The following SLC36A2 variants were observed in gnomAD, a reference collection of about 807,000 sequenced individuals.
SLC36A2 encodes the protein proton-coupled amino acid transporter 2.
SLC36A2 carries 39 observed loss-of-function variants against 42.7 expected under a neutral mutation model. The observed-to-expected ratio is 0.91, with a 90% CI of 0.71 to 1.19. The LOEUF (loss-of-function observed/expected upper bound fraction) is 1.19. Among genes scored for constraint, SLC36A2 ranks in the 50% most tolerant of loss-of-function variants. The probability of loss-of-function intolerance (pLI) is 0.00; values close to 1 mark genes in which losing one functional copy is unlikely to be tolerated. For missense variants in SLC36A2, 590 were observed against 613.7 expected (o/e 0.96, Z 0.41); for synonymous variants, 237 against 240.8 (o/e 0.98, Z 0.15).
rs1335075738 is a variant in SLC36A2 at position 151,316,876 on chromosome 5, C to T, written c.1393G>A (p.Glu465Lys). The change falls in exon 10 of 10, where the codon GAG becomes AAG. Residue 465 changes from glutamate to lysine, a missense_variant. Physicochemically the swap from Glu to Lys is moderately conservative, Grantham distance 56. Coordinates refer to ENST00000335244, the MANE Select transcript of SLC36A2 (RefSeq NM_181776.3). ...TGAGAGTCTTCTGACTTGAGCAGCTCGTCCAGGGCCTGGTAGGTCCCCACC... is the reference window on the plus strand; with the variant it reads ...TGAGAGTCTTCTGACTTGAGCAGCTTGTCCAGGGCCTGGTAGGTCCCCACC... ...FVVGTYQALD[E>K]LLKSEDSHPF... 50 of 1,614,124 alleles carry T rather than the reference C, an allele frequency of 3.1e-5. No individual in the cohort carries two copies. In the East Asian group the frequency reaches 9.8e-4, roughly 32 times the overall value.
Position 151,344,203 on chromosome 5 carries a change from G to C in SLC36A2, c.229C>G (p.Leu77Val), listed in dbSNP as rs146301238. ...NMGTGILGLP[L>V]AVKNAGILMG... ...AGGATGCCCGCGTTCTTCACAGCGA[G>C]GGGTAGTCCCAGGATCCCTGTGCCC... The change falls in exon 2 of 10, where the codon CTC becomes GTC. Residue 77 changes from leucine to valine, a missense_variant. Physicochemically the swap from Leu to Val is conservative, Grantham distance 32. Coordinates refer to ENST00000335244, the MANE Select transcript of SLC36A2 (RefSeq NM_181776.3). 1.9e-6 allele frequency: 3 copies of C among 1,614,168 alleles called. No individual in the cohort carries two copies. The highest frequency in any genetic ancestry group is 2.5e-6 in the Non-Finnish European group (3 of 1,180,016).
chr5:151,320,115 A>G (rs1381539974), intron 9 of SLC36A2, among the ~76,000 whole-genome samples: 1 of 134,750 alleles, frequency 7.4e-6, no homozygotes, highest in Non-Finnish European at 1.6e-5. Flanking sequence ...TCTTTGAAGA[A>G]GAAAGAGATT....
intron 8 of SLC36A2, among the ~76,000 whole-genome samples, chr5:151,323,037 AC>A (rs1321320068): frequency 6.6e-6 from 1 of 152,108 alleles, no homozygotes; most frequent in African/African-American, 2.4e-5. Context: ...CGAATTTGAG[AC>A]CAGTCTGGCC....
chr5:151,347,423 G>A lies in SLC36A2; in HGVS notation c.38C>T (p.Ala13Val). The A allele has an allele frequency of 6.2e-7, 1 of 1,614,190 alleles. No individual in the cohort carries two copies. Residue 13 changes from alanine to valine, a missense_variant, in exon 1 of 10, where the codon GCC (alanine) becomes GTC (valine). Transcript: ENST00000335244. ...CATAAGGTCCAATTTGATGGCAACG[G>A]CTCCCTGGGGACCCTCAGTACTTTT... The part of the protein sequence containing the change: ...VTKSTEGPQG[A>V]VAIKLDLMSP...
At chr5:151,323,324 C>T (rs1755754461) in intron 8 of SLC36A2, among the ~76,000 whole-genome samples, 1 of 152,026 alleles carries the variant, frequency 6.6e-6, no homozygotes, top group South Asian at 2.1e-4. Context: ...CTTAAAAAGG[C>T]TAACTTCCAC....
At position 151,321,345 on chromosome 5, in the gene SLC36A2, C is replaced by CT. The variant is rs1163117468; in HGVS notation, c.1180+700dup. On this transcript the variant is annotated intron_variant, in intron 9 of 9. Coordinates refer to ENST00000335244, the MANE Select transcript of SLC36A2 (RefSeq NM_181776.3). ...CATGCCTGGCTATTTTCTTTTCTTT[C>CT]TTTTTTTTTTTTTTTTTAATAGAGA... Among the ~76,000 whole-genome samples, 242 of 43,214 alleles carry CT rather than the reference C, an allele frequency of 5.6e-3. 1 individual carries two copies. Among genetic ancestry groups the CT allele is most frequent in the African/African-American group, 0.012 (195 of 15,810 alleles). 28.4% of individuals were successfully genotyped at this position (43,214 alleles called of 152,430 possible).
Position 151,316,740 on chromosome 5 carries a change from CAAAAAAA to C in SLC36A2, c.*70_*76del, listed in dbSNP as rs33912867. 1.1e-3 allele frequency: 968 copies of C among 895,744 alleles called. No homozygotes were observed. The highest frequency in any genetic ancestry group is 2.7e-3 in the Middle Eastern group (7 of 2,634). The allele number at this position is 895,744 out of a possible 1,614,324, so 55.5% of individuals were successfully genotyped here. A position where few individuals can be genotyped will look rare whatever the true frequency, so the allele number is the denominator to read the frequency against. ...GGGCAACAAGACAGAAACTCCGTCT[CAAAAAAA>C]AAAAAAAAAAAAAAAAGAGATCCAT... On this transcript the variant is annotated 3_prime_UTR_variant, in exon 10 of 10. Coordinates refer to ENST00000335244, the MANE Select transcript of SLC36A2 (RefSeq NM_181776.3).
intron 7 of SLC36A2, among the ~76,000 whole-genome samples, chr5:151,328,156 A>T (rs1580850157): frequency 6.6e-6 from 1 of 152,330 alleles, no homozygotes; most frequent in East Asian, 1.9e-4. Flanking sequence ...TTTGTCCATG[A>T]CTATTCCAAA....
rs72087431 is a variant in SLC36A2 at position 151,316,762 on chromosome 5, A to AAAAG, written c.*54_*55insCTTT. 4.2e-5 allele frequency: 64 copies of AAAAG among 1,538,648 alleles called. No homozygotes were observed. The African/African-American group carries it at 9.1e-4, about 22-fold the overall frequency. ...TCTCAAAAAAAAAAAAAAAAAAAAA[A>AAAAG]AGAGATCCATATAATTAAAAGTCGG... is the stretch of plus-strand genomic sequence containing the variant. On this transcript the variant is annotated 3_prime_UTR_variant, in exon 10 of 10. Coordinates refer to ENST00000335244, the MANE Select transcript of SLC36A2 (RefSeq NM_181776.3).
chr5:151,319,055 G>T (rs1580841685), intron 9 of SLC36A2: 9 of 633,440 alleles, frequency 1.4e-5, no homozygotes, highest in Non-Finnish European at 1.8e-5. Context: ...TCCTCAGCTT[G>T]TTTCCTCAGC....
Position 151,344,247 on chromosome 5 carries a change from T to C in SLC36A2, c.185A>G (p.His62Arg). 6.2e-7 allele frequency: 1 copy of C among 1,613,938 alleles called. No homozygotes were observed. The highest frequency in any genetic ancestry group is 8.5e-7 in the Non-Finnish European group (1 of 1,179,904). The change falls in exon 2 of 10, where the codon CAC becomes CGC. Residue 62 changes from histidine (H) to arginine (R), a missense_variant. Physicochemically the swap from His to Arg is conservative, Grantham distance 29 (BLOSUM62 0). Transcript: ENST00000335244. ...TGTGCCCATGTTGCCTTTCACCAGG[T>C]GAATCAAGGCCTGGAACACTCTAAA... ...KGITVFQALI[H>R]LVKGNMGTGI...
chr5:151,341,756 G>T (rs1271446128), intron 4 of SLC36A2, among the ~76,000 whole-genome samples: 1 of 152,122 alleles, frequency 6.6e-6, no homozygotes, highest in African/African-American at 2.4e-5. Flanking sequence ...GATGACTTCA[G>T]TTCTGGATTG....
intron 4 of SLC36A2, among the ~76,000 whole-genome samples, chr5:151,341,656 AG>A (rs1756348707): frequency 6.6e-6 from 1 of 152,132 alleles, no homozygotes; most frequent in African/African-American, 2.4e-5. Flanking sequence ...AGCTCAACAA[AG>A]GGTTCTTAAA....
chr5:151,325,732 C>T lies in SLC36A2; in HGVS notation c.844-280G>A, dbSNP rs114820526. Reference sequence around the variant, plus strand: ...GGAAGTTTTGTCTCATGCTAACCCACGGATGGATCTTGAGGACATTATTGC... The same window carrying T: ...GGAAGTTTTGTCTCATGCTAACCCATGGATGGATCTTGAGGACATTATTGC... On this transcript the variant is annotated intron_variant, in intron 7 of 9. Transcript: ENST00000335244. Among the ~76,000 whole-genome samples the T allele has an allele frequency of 7.5e-3, 1,146 of 152,198 alleles. 9 individuals carry two copies. The highest frequency in any genetic ancestry group is 0.012 in the Non-Finnish European group (808 of 68,014).
intron 8 of SLC36A2, among the ~76,000 whole-genome samples, chr5:151,324,490 G>T (rs1755795672): frequency 1.3e-5 from 2 of 152,058 alleles, no homozygotes; most frequent in African/African-American, 4.8e-5. Context: ...CCACCACCAT[G>T]CCCGGCTAAT....
At chr5:151,346,955 C>T (rs995670079) in intron 1 of SLC36A2, among the ~76,000 whole-genome samples, 1 of 152,186 alleles carries the variant, frequency 6.6e-6, no homozygotes, top group South Asian at 2.1e-4. Flanking sequence ...CTACCTCTAT[C>T]CCCAATCTTA....
In SLC36A2 at chr5:151,338,996, A is replaced by G. The variant is rs578065173; in HGVS notation, c.525+64T>C. On this transcript the variant is annotated intron_variant, in intron 5 of 9. Transcript: ENST00000335244. The stretch of plus-strand genomic sequence containing the variant: ...ACCAGAGAGAAGAAGCAGTTTGTCA[A>G]ACAACTAGCAGTGGCGTGTCCTTGT... The G allele has an allele frequency of 1.6e-5, 20 of 1,221,776 alleles. No homozygotes were observed. The Middle Eastern group carries it at 5.8e-4, about 35-fold the overall frequency. The allele number at this position is 1,221,776 out of a possible 1,614,324, so 75.7% of individuals were successfully genotyped here.
At chr5:151,331,845 T>C (rs555389577) in intron 7 of SLC36A2, among the ~76,000 whole-genome samples, 5 of 151,854 alleles carry the variant, frequency 3.3e-5, no homozygotes, top group Admixed American at 6.6e-5. Context: ...AAAACCCACC[T>C]TGGGCAGCAT....
Position 151,335,417 on chromosome 5 carries a change from C to T in SLC36A2, c.656G>A (p.Arg219Gln), listed in dbSNP as rs181293533. 88 of 1,614,008 alleles carry T rather than the reference C, an allele frequency of 5.5e-5. No homozygotes were observed. Among genetic ancestry groups the T allele is most frequent in the East Asian group, 3.6e-4 (16 of 44,886 alleles). Residue 219 changes from arginine to glutamine, a missense_variant, in exon 6 of 10, where the codon CGG becomes CAG. Coordinates refer to ENST00000335244, the MANE Select transcript of SLC36A2 (RefSeq NM_181776.3). ...LPFLVLLVLI[R>Q]NLRILTIFSM... ...GAAGATGGTCAAGATCCTGAGGTTC[C>T]GGATGAGGACCAGCAGCACCAGGAA...
Sources: allele counts gnomAD v4.1 joint callset (sites outside exome capture counted in the v4.1 genomes callset), GRCh38; gene constraint gnomAD v4.1.1; transcripts MANE v1.5; gene names NCBI Gene and HGNC (gene_info 2026-07-23, HGNC 2026-07-21).